HSD17B4: variants seen among roughly 807,000 people sequenced by gnomAD.
HSD17B4 encodes the protein peroxisomal multifunctional enzyme type 2.
HSD17B4 carries 70 observed loss-of-function variants against 101.0 expected under a neutral mutation model. The ratio of observed to expected loss-of-function variants is 0.69; its 90% CI spans 0.57 to 0.85. The LOEUF (loss-of-function observed/expected upper bound fraction) is 0.85. Among genes scored for constraint, HSD17B4 ranks in the 40% least tolerant of loss-of-function variants. The pLI is 0.00. For synonymous variants in HSD17B4, 347 were observed against 297.1 expected (o/e 1.17, Z -1.73); for missense variants, 984 against 892.4 (o/e 1.10, Z -1.31).
chr5:119,480,273 G>A (rs1748996698), intron 8 of HSD17B4, among the ~76,000 whole-genome samples: 1 of 151,560 alleles, frequency 6.6e-6, no homozygotes, highest in African/African-American at 2.4e-5. Context: ...TTTTTTTTCA[G>A]TCTGTGGCTT....
chr5:119,477,556 T>C, intron 7 of HSD17B4, 55 bp downstream of exon 7: 1 of 1,122,080 alleles, frequency 8.9e-7, no homozygotes, highest in Non-Finnish European at 1.4e-6. Flanking sequence ...CTGGGGGTTC[T>C]TGTGTACAGG....
Position 119,452,810 on chromosome 5 carries a change from T to C in HSD17B4, c.58+177T>C, listed in dbSNP as rs949279063. 7 of 1,537,724 alleles carry C rather than the reference T, an allele frequency of 4.6e-6. No individual in the cohort carries two copies. In the African/African-American group the frequency reaches 8.2e-5, roughly 18 times the overall value. ...GGAGGAAAGAGCCGGAAACACCTGGTCTCTCAAGCAGGTACAGCCCGCTTC... is the reference window on the plus strand; with the variant it reads ...GGAGGAAAGAGCCGGAAACACCTGGCCTCTCAAGCAGGTACAGCCCGCTTC... On this transcript the variant is annotated intron_variant, in intron 1 of 23. Coordinates refer to ENST00000510025, the MANE Select transcript of HSD17B4 (RefSeq NM_000414.4).
rs1333275137 is a variant in HSD17B4 at position 119,452,774 on chromosome 5, G to A, written c.58+141G>A. 7 of 1,561,492 alleles carry A rather than the reference G, an allele frequency of 4.5e-6. No individual in the cohort carries two copies. The Admixed American group carries it at 5.7e-5, about 13-fold the overall frequency. ...GGGGAATGGTTATTCTTGAGGCACC[G>A]CATCTCTTGAGGAGGAAAGAGCCGG... On this transcript the variant is annotated intron_variant, in intron 1 of 23. Transcript: ENST00000510025.
chr5:119,490,843 T>C (rs1404318038), intron 9 of HSD17B4, among the ~76,000 whole-genome samples: 3 of 152,294 alleles, frequency 2.0e-5, no homozygotes, highest in East Asian at 3.9e-4. Context: ...CCTGGGATTA[T>C]AGGCGTGAGC....
At chr5:119,489,420 A>G in intron 9 of HSD17B4, 137 bp downstream of exon 9, 2 of 667,452 alleles carry the variant, frequency 3.0e-6, no homozygotes, top group East Asian at 2.8e-5. Flanking sequence ...ACTAATATCC[A>G]TTTTTTGGAA....
chr5:119,481,320 G>C (rs1372383383), intron 8 of HSD17B4, among the ~76,000 whole-genome samples: 1 of 152,086 alleles, frequency 6.6e-6, no homozygotes, highest in Non-Finnish European at 1.5e-5. Flanking sequence ...GGTTTCAGCC[G>C]GTCTCTCTGT....
At chr5:119,521,149 C>G (rs1347205484) in intron 17 of HSD17B4, among the ~76,000 whole-genome samples, 2 of 152,182 alleles carry the variant, frequency 1.3e-5, no homozygotes, top group South Asian at 2.1e-4. Context: ...ACTATTTACC[C>G]TAGATACTTG....
chr5:119,479,361 G>A (rs1748901802), intron 8 of HSD17B4, among the ~76,000 whole-genome samples: 1 of 151,812 alleles, frequency 6.6e-6, no homozygotes, highest in African/African-American at 2.4e-5. Context: ...TAGATTTACA[G>A]AAAAATTGTA....
rs764300456 is a variant in HSD17B4, at chr5:119,525,249, C to A, written c.1537C>A (p.Pro513Thr). The A allele has an allele frequency of 1.2e-6, 2 of 1,612,264 alleles. No homozygotes were observed. Among genetic ancestry groups the A allele is most frequent in the East Asian group, 4.5e-5 (2 of 44,846 alleles). The change falls in exon 18 of 24, where the codon CCC becomes ACC. Residue 513 changes from proline (P) to threonine (T), a missense_variant. Pro to Thr is a conservative substitution (Grantham distance 38). Coordinates refer to ENST00000510025, the MANE Select transcript of HSD17B4 (RefSeq NM_000414.4). ...GTACCGCCTCAGTGGAGACTGGAAT[C>A]CCTTACACATTGATCCTAACTTTGC... ...ALYRLSGDWN[P>T]LHIDPNFASL...
chr5:119,496,512 TA>T (rs762304842), intron 11 of HSD17B4, 30 bp from the exon 12 acceptor site: 9 of 1,124,592 alleles, frequency 8.0e-6, no homozygotes, highest in South Asian at 1.2e-5. Context: ...AACAAAGCTT[TA>T]TTTTTTTTGT....
chr5:119,455,564 C>CTA (rs1366517649), intron 1 of HSD17B4, among the ~76,000 whole-genome samples: 189 of 126,264 alleles, frequency 1.5e-3, no homozygotes, highest in African/African-American at 2.3e-3. Flanking sequence ...CTCTCTCTCT[C>CTA]TCTCTATATA....
chr5:119,454,420 A>G (rs1176617109), intron 1 of HSD17B4, among the ~76,000 whole-genome samples: 2 of 149,750 alleles, frequency 1.3e-5, no homozygotes, highest in Non-Finnish European at 3.0e-5. Context: ...ATCCTTTTGC[A>G]TCAGCTTCCA....
Position 119,542,040 on chromosome 5 carries a change from C to G in HSD17B4, c.*46C>G, listed in dbSNP as rs1348941090. 1 of 1,247,638 alleles carries G rather than the reference C, an allele frequency of 8.0e-7. No individual in the cohort carries two copies. Among genetic ancestry groups the G allele is most frequent in the Admixed American group, 1.7e-5 (1 of 58,744 alleles). The allele number at this position is 1,247,638 out of a possible 1,614,324, so 77.3% of individuals were successfully genotyped here. ...TAAAAATGGAATCATTAAATACTCT[C>G]TTCACCCAAATATGCTTGATTATTC... On this transcript the variant is annotated 3_prime_UTR_variant, in exon 24 of 24. Coordinates refer to ENST00000510025, the MANE Select transcript of HSD17B4 (RefSeq NM_000414.4).
intron 3 of HSD17B4, 37 bp from the exon 4 acceptor site, chr5:119,474,364 G>A (rs755094438): frequency 2.2e-6 from 3 of 1,394,138 alleles, no homozygotes; most frequent in Admixed American, 1.7e-5. Flanking sequence ...TGGAAGGGAG[G>A]TTGCCGAAAT....
intron 22 of HSD17B4, among the ~76,000 whole-genome samples, chr5:119,534,294 C>G (rs1010487994): frequency 6.6e-6 from 1 of 151,816 alleles, no homozygotes; most frequent in Non-Finnish European, 1.5e-5. Context: ...TAAAATGAGC[C>G]GAGTTTTAAA....
chr5:119,452,625 C>G lies in HSD17B4; in HGVS notation c.50C>G (p.Ala17Gly), dbSNP rs1244855468. 1.2e-6 allele frequency: 2 copies of G among 1,613,752 alleles called. No individual in the cohort carries two copies. Among genetic ancestry groups the G allele is most frequent in the Non-Finnish European group, 1.7e-6 (2 of 1,179,952 alleles). ...GGGCGGGTGGTACTGGTCACCGGCG[C>G]GGGGGCAGGTGAGCATGCGAAGGTT... is the stretch of plus-strand genomic sequence containing the variant. ...FDGRVVLVTG[A>G]GAGLGRAYAL... The change falls in exon 1 of 24, where the codon GCG (alanine) becomes GGG (glycine). Residue 17 changes from alanine to glycine, a missense_variant. Transcript: ENST00000510025.
intron 15 of HSD17B4, among the ~76,000 whole-genome samples, chr5:119,508,892 A>G (rs1161512328): frequency 2.0e-5 from 3 of 152,210 alleles, no homozygotes; most frequent in Non-Finnish European, 2.9e-5. Flanking sequence ...GAAAAGTGAA[A>G]GAACTGCTAT....
intron 17 of HSD17B4, among the ~76,000 whole-genome samples, chr5:119,523,066 C>A (rs1215047721): frequency 6.6e-6 from 1 of 152,026 alleles, no homozygotes; most frequent in Non-Finnish European, 1.5e-5. Context: ...TTGAACTCTG[C>A]AGTGTTCTCT....
At position 119,456,228 on chromosome 5, in the gene HSD17B4, A is replaced by G. The variant is rs33950298; in HGVS notation, c.59-87A>G. 5,879 of 836,972 alleles carry G rather than the reference A, an allele frequency of 7.0e-3. 238 individuals carry two copies. In the East Asian group the frequency reaches 0.097, roughly 14 times the overall value. The allele number at this position is 836,972 out of a possible 1,614,324, so 51.8% of individuals were successfully genotyped here. ...TTAAAATGTAATTAATTGTTCACCA[A>G]TTTCTTTAAATGGGGATTGAGTTGA... On this transcript the variant is annotated intron_variant, in intron 1 of 23. Coordinates refer to ENST00000510025, the MANE Select transcript of HSD17B4 (RefSeq NM_000414.4).
Sources: gnomAD v4.1 joint callset for allele counts (sites outside exome capture counted in the v4.1 genomes callset) on GRCh38, gnomAD v4.1.1 for gene constraint, MANE v1.5 for transcripts, NCBI Gene and HGNC (gene_info 2026-07-23, HGNC 2026-07-21) for gene names.